SLC44A1: variants seen among roughly 807,000 people sequenced by gnomAD.
SLC44A1 encodes the protein solute carrier family 44 member 1.
SLC44A1 carries 26 observed loss-of-function variants against 79.3 expected under a neutral mutation model. The ratio of observed to expected loss-of-function variants is 0.33; its 90% confidence interval spans 0.24 to 0.46. The LOEUF is 0.46. Among genes scored for constraint, SLC44A1 ranks in the 20% least tolerant of loss-of-function variants. SLC44A1 has a pLI of 1.00. For synonymous variants in SLC44A1, 263 were observed against 286.2 expected (o/e 0.92, Z 0.82); for missense variants, 688 against 798.1 (o/e 0.86, Z 1.66).
At chr9:105,261,878 C>G (rs1829849162) in intron 1 of SLC44A1, among the ~76,000 whole-genome samples, 3 of 148,558 alleles carry the variant, frequency 2.0e-5, no homozygotes, top group Non-Finnish European at 4.4e-5. Context: ...CTCCCAGGTT[C>G]AAGTGATTCT....
intron 3 of SLC44A1, among the ~76,000 whole-genome samples, chr9:105,328,536 C>T (rs903131927): frequency 5.9e-5 from 9 of 152,112 alleles, no homozygotes; most frequent in African/African-American, 1.7e-4. Flanking sequence ...GGAGACCAGG[C>T]GAAGGTGAGG....
chr9:105,362,494 A>G (rs896281024), intron 8 of SLC44A1, among the ~76,000 whole-genome samples: 3 of 152,162 alleles, frequency 2.0e-5, no homozygotes, highest in Non-Finnish European at 4.4e-5. Context: ...TTTGTGGTGT[A>G]TCTGTTTAAA....
At chr9:105,349,728 G>A (rs563149664) in intron 5 of SLC44A1, among the ~76,000 whole-genome samples, 8 of 152,218 alleles carry the variant, frequency 5.3e-5, no homozygotes, top group Admixed American at 2.0e-4. Flanking sequence ...TATCCAACTG[G>A]TAAAGTCTGT....
rs1192389380 is a variant in SLC44A1, at chr9:105,321,726, A to G, written c.269+11860A>G. On this transcript the variant is annotated intron_variant, in intron 3 of 15. Transcript: ENST00000374720. ...TTTGTCTTATCAGTGCACAGAAAAT[A>G]CAATGAAAAATATAATACTTGTTTT... 4.6e-5 allele frequency among the ~76,000 whole-genome samples: 7 copies of G among 152,256 alleles called. No individual in the cohort carries two copies. In the East Asian group the frequency reaches 1.3e-3, roughly 29 times the overall value.
intron 15 of SLC44A1, among the ~76,000 whole-genome samples, chr9:105,404,233 CAAAAAAAAAAAAA>C (rs71489339): frequency 2.2e-5 from 1 of 44,450 alleles, no homozygotes; most frequent in Non-Finnish European, 5.2e-5. Context: ...GGACTCATCT[CAAAAAAAAAAAAA>C]AAAAAAAAAG....
chr9:105,355,542 T>C (rs1407922332), intron 5 of SLC44A1, among the ~76,000 whole-genome samples: 1 of 152,234 alleles, frequency 6.6e-6, no homozygotes, highest in Admixed American at 6.5e-5. Context: ...GATATCACAT[T>C]AGATATACTT....
intron 1 of SLC44A1, among the ~76,000 whole-genome samples, chr9:105,267,383 G>A (rs1250689462): frequency 6.6e-6 from 1 of 151,880 alleles, no homozygotes; most frequent in Non-Finnish European, 1.5e-5. Context: ...CTTTCAATCT[G>A]GAAATTTCTG....
Position 105,352,590 on chromosome 9 carries a change from A to G in SLC44A1, c.501-3622A>G, listed in dbSNP as rs61336926. On this transcript the variant is annotated intron_variant, in intron 5 of 15. Transcript: ENST00000374720. ...ACTACATCGACTTATTAAAGATTCA[A>G]TATTTGGTGGAAGGTAGAAAAACTT... Among the ~76,000 whole-genome samples, 246 of 152,360 alleles carry G rather than the reference A, an allele frequency of 1.6e-3. 1 individual carries two copies. Among genetic ancestry groups the G allele is most frequent in the African/African-American group, 5.6e-3 (232 of 41,588 alleles).
At position 105,393,212 on chromosome 9, in the gene SLC44A1, T is replaced by G. The variant is rs1239140158; in HGVS notation, c.*4156T>G. On this transcript the variant is annotated 3_prime_UTR_variant, in exon 16 of 16. Coordinates refer to ENST00000374720, the MANE Select transcript of SLC44A1 (RefSeq NM_080546.5). The stretch of plus-strand genomic sequence containing the variant: ...TAGGCTGCCTTTTGCTTTAAATGCA[T>G]ATTCATGTATCTTTGTGTGCTAAGA... The G allele has an allele frequency of 1.0e-6, 1 of 985,354 alleles. No individual in the cohort carries two copies. The highest frequency in any genetic ancestry group is 1.2e-6 in the Non-Finnish European group (1 of 829,934). The allele number at this position is 985,354 out of a possible 1,614,324, so 61.0% of individuals were successfully genotyped here. A position where few individuals can be genotyped will look rare whatever the true frequency, so the allele number is the denominator to read the frequency against.
chr9:105,321,307 G>A (rs1048573459), intron 3 of SLC44A1, among the ~76,000 whole-genome samples: 2 of 152,134 alleles, frequency 1.3e-5, no homozygotes, highest in Non-Finnish European at 2.9e-5. Flanking sequence ...TATTCCAGAA[G>A]CATTTATTGA....
At chr9:105,388,592 G>A (rs1325482367) in intron 15 of SLC44A1, among the ~76,000 whole-genome samples, 3 of 152,076 alleles carry the variant, frequency 2.0e-5, no homozygotes, top group East Asian at 1.9e-4. Flanking sequence ...GAGAACTTCC[G>A]GTTTTGTTCT....
chr9:105,300,428 C>T (rs1366557142), intron 2 of SLC44A1, among the ~76,000 whole-genome samples: 1 of 152,170 alleles, frequency 6.6e-6, no homozygotes, highest in African/African-American at 2.4e-5. Flanking sequence ...TTATGAAAAT[C>T]TTGCTCTTTG....
chr9:105,352,186 A>G (rs1163460230), intron 5 of SLC44A1, among the ~76,000 whole-genome samples: 2 of 152,238 alleles, frequency 1.3e-5, no homozygotes, highest in African/African-American at 4.8e-5. Context: ...TAGACTCGTA[A>G]TTCCTGCCTT....
Position 105,374,658 on chromosome 9 carries a change from T to G in SLC44A1, c.1555T>G (p.Phe519Val). The G allele has an allele frequency of 6.2e-7, 1 of 1,613,876 alleles. No homozygotes were observed. Among genetic ancestry groups the G allele is most frequent in the Non-Finnish European group, 8.5e-7 (1 of 1,179,736 alleles). The change falls in exon 13 of 16, where the codon TTT becomes GTT. Residue 519 changes from phenylalanine (F) to valine (V), a missense_variant. Coordinates refer to ENST00000374720, the MANE Select transcript of SLC44A1 (RefSeq NM_080546.5). The stretch of plus-strand genomic sequence containing the variant: ...CTTCTGCACCTCAGCAAAGGATGCC[T>G]TTGTCATTCTGGTGGAGAATGCTTT... ...TNFCTSAKDA[F>V]VILVENALRV...
At chr9:105,366,676 A>G (rs977647126) in intron 12 of SLC44A1, among the ~76,000 whole-genome samples, 3 of 152,134 alleles carry the variant, frequency 2.0e-5, no homozygotes, top group Admixed American at 1.3e-4. Flanking sequence ...CAGATTTGTT[A>G]CATATGTTAT....
intron 14 of SLC44A1, 100 bp from the exon 15 acceptor site, chr9:105,385,322 T>C: frequency 1.2e-6 from 1 of 814,994 alleles, no homozygotes; most frequent in South Asian, 1.6e-5. Context: ...GCCATCCATT[T>C]ACCAAGATTG....
chr9:105,402,443 A>G (rs1828970578), intron 15 of SLC44A1, among the ~76,000 whole-genome samples: 1 of 152,238 alleles, frequency 6.6e-6, no homozygotes, highest in South Asian at 2.1e-4. Flanking sequence ...GGCTTTTGCC[A>G]GATGGTCAAA....
chr9:105,386,675 T>G (rs1455169020), intron 15 of SLC44A1: 3 of 151,984 alleles, frequency 2.0e-5, no homozygotes, highest in African/African-American at 7.3e-5. Context: ...GCCAAAAGAT[T>G]GGATACCCCT....
intron 15 of SLC44A1, among the ~76,000 whole-genome samples, chr9:105,433,115 G>C (rs1345599449): frequency 6.6e-6 from 1 of 152,134 alleles, no homozygotes; most frequent in Admixed American, 6.5e-5. Flanking sequence ...GGCCAACATG[G>C]AGAAACCCTG....
Sources: gnomAD v4.1 joint callset for allele counts (sites outside exome capture counted in the v4.1 genomes callset) on GRCh38, gnomAD v4.1.1 for gene constraint, MANE v1.5 for transcripts, NCBI Gene and HGNC (gene_info 2026-07-23, HGNC 2026-07-21) for gene names.